The following TRPM3 variants were observed in gnomAD, a reference collection of about 807,000 sequenced individuals.
TRPM3 encodes transient receptor potential cation channel subfamily M member 3.
In TRPM3, 77 loss-of-function variants were observed where a neutral mutation model predicts 181.2. That is an observed-to-expected ratio of 0.42 (90% CI 0.35 to 0.51). TRPM3 has a LOEUF of 0.51. TRPM3 is among the 20% of genes least tolerant of loss of function. The probability of loss-of-function intolerance (pLI) is 0.01; values close to 1 mark genes in which losing one functional copy is unlikely to be tolerated. For synonymous variants in TRPM3, 745 were observed against 796.4 expected (o/e 0.94, Z 1.09); for missense variants, 1,759 against 2,196.7 (o/e 0.80, Z 3.98).
chr9:71,259,053 T>C (rs1476923060), intron 1 of TRPM3, among the ~76,000 whole-genome samples: 1 of 150,886 alleles, frequency 6.6e-6, no homozygotes, highest in East Asian at 2.0e-4. Context: ...TAGTCCCCCA[T>C]CCCCCGACAG....
chr9:70,782,699 A>C (rs990906316), intron 7 of TRPM3, among the ~76,000 whole-genome samples: 1 of 152,048 alleles, frequency 6.6e-6, no homozygotes, highest in African/African-American at 2.4e-5. Flanking sequence ...AAAATGGACC[A>C]ATATTTACTA....
chr9:70,879,510 C>A (rs956254262), intron 1 of TRPM3, among the ~76,000 whole-genome samples: 9 of 152,040 alleles, frequency 5.9e-5, no homozygotes, highest in African/African-American at 1.9e-4. Flanking sequence ...CACTCTCTAT[C>A]CTGACTAATA....
rs564464249 is a variant in TRPM3, at chr9:71,236,295, T to C, written c.183+210358A>G. Among the ~76,000 whole-genome samples the C allele has an allele frequency of 7.2e-5, 11 of 152,188 alleles. No homozygotes were observed. In the South Asian group the frequency reaches 1.7e-3, roughly 23 times the overall value. On this transcript the variant is annotated intron_variant, in intron 1 of 24. Transcript: ENST00000357533. ...CTCTGGACATTAGTTTTCTTATCAG[T>C]AAATTAAGGTGTGATTTTTCAATCT...
chr9:71,442,571 A>G (rs1261297096), intron 1 of TRPM3, among the ~76,000 whole-genome samples: 1 of 152,254 alleles, frequency 6.6e-6, no homozygotes, highest in Non-Finnish European at 1.5e-5. Context: ...TGTATATTTT[A>G]CCTAAATAAA....
At chr9:70,977,363 T>C (rs1202815995) in intron 1 of TRPM3, among the ~76,000 whole-genome samples, 3 of 152,212 alleles carry the variant, frequency 2.0e-5, no homozygotes, top group Non-Finnish European at 4.4e-5. Context: ...CTCCATCTCC[T>C]GACCTCGTGA....
At chr9:71,200,799 C>T (rs576900061) in intron 1 of TRPM3, among the ~76,000 whole-genome samples, 342 of 152,168 alleles carry the variant, frequency 2.2e-3, no homozygotes, top group African/African-American at 7.9e-3. Context: ...CTGAATACAG[C>T]ACACTGATGG....
chr9:70,558,748 T>C (rs2309742), intron 22 of TRPM3, among the ~76,000 whole-genome samples: 34,934 of 152,156 alleles, frequency 0.23, 4,781 homozygotes, highest in Admixed American at 0.31. Flanking sequence ...GATTAAGTCG[T>C]AGGGCCTCAA....
intron 8 of TRPM3, chr9:70,761,259 A>G (rs972512275): frequency 1.7e-6 from 1 of 597,650 alleles, no homozygotes; most frequent in Non-Finnish European, 3.0e-6. Flanking sequence ...ACTTCCAAGC[A>G]AAATGAAATC....
At chr9:71,157,498 G>A (rs2076066534) in intron 1 of TRPM3, among the ~76,000 whole-genome samples, 1 of 152,100 alleles carries the variant, frequency 6.6e-6, no homozygotes, top group South Asian at 2.1e-4. Flanking sequence ...CTCTTCGACA[G>A]TTAAGAGCAG....
At chr9:71,329,111 A>T (rs1163261912) in intron 1 of TRPM3, among the ~76,000 whole-genome samples, 1 of 152,242 alleles carries the variant, frequency 6.6e-6, no homozygotes, top group East Asian at 1.9e-4. Flanking sequence ...AAAAATGTCT[A>T]ACACTACTGA....
intron 1 of TRPM3, among the ~76,000 whole-genome samples, chr9:71,394,475 A>T (rs548263585): frequency 6.6e-6 from 1 of 152,236 alleles, no homozygotes; most frequent in Admixed American, 6.5e-5. Flanking sequence ...CTAAAGATAC[A>T]TGGAGACTAC....
At chr9:71,379,760 T>A (rs10869016) in intron 1 of TRPM3, among the ~76,000 whole-genome samples, 1 of 151,788 alleles carries the variant, frequency 6.6e-6, no homozygotes, top group Non-Finnish European at 1.5e-5. Context: ...TAAACTTACA[T>A]ATACATCTGT....
intron 2 of TRPM3, 84 bp downstream of exon 2, chr9:70,864,348 C>G: frequency 1.1e-6 from 1 of 918,902 alleles, no homozygotes; most frequent in Non-Finnish European, 1.6e-6. Flanking sequence ...ACAGTGTTTC[C>G]CTTGTAACAG....
intron 1 of TRPM3, among the ~76,000 whole-genome samples, chr9:71,256,604 G>A (rs1393059124): frequency 6.6e-6 from 1 of 152,142 alleles, no homozygotes; most frequent in Non-Finnish European, 1.5e-5. Flanking sequence ...AGGATGAAGA[G>A]GACTTCAAGT....
chr9:70,553,360 G>A, intron 22 of TRPM3, 50 bp from the exon 23 acceptor site: 4 of 1,583,588 alleles, frequency 2.5e-6, no homozygotes, highest in Admixed American at 1.8e-5. Context: ...ATTTGAGTTA[G>A]AAAAAAAATA....
At chr9:71,023,716 A>C (rs2097864726) in intron 1 of TRPM3, among the ~76,000 whole-genome samples, 2 of 152,072 alleles carry the variant, frequency 1.3e-5, no homozygotes, top group African/African-American at 4.8e-5. Context: ...AAAAAAAAAA[A>C]AGTCAAACTC....
intron 2 of TRPM3, among the ~76,000 whole-genome samples, chr9:70,863,977 G>C (rs1273892661): frequency 6.6e-6 from 1 of 151,948 alleles, no homozygotes; most frequent in Non-Finnish European, 1.5e-5. Context: ...ATATATTGTT[G>C]ATCCTAAGGA....
At chr9:71,196,162 C>T (rs530938219) in intron 1 of TRPM3, among the ~76,000 whole-genome samples, 246 of 106,450 alleles carry the variant, frequency 2.3e-3, no homozygotes, top group African/African-American at 8.7e-3. Flanking sequence ...TATACACACA[C>T]GTATATGTGT....
At chr9:71,246,767 G>A (rs778989545) in intron 1 of TRPM3, among the ~76,000 whole-genome samples, 3 of 152,112 alleles carry the variant, frequency 2.0e-5, no homozygotes, top group Non-Finnish European at 2.9e-5. Context: ...CCTAATATCA[G>A]GAAGATTTAG....
Sources: allele counts gnomAD v4.1 joint callset (sites outside exome capture counted in the v4.1 genomes callset), GRCh38; gene constraint gnomAD v4.1.1; transcripts MANE v1.5; gene names NCBI Gene and HGNC (gene_info 2026-07-23, HGNC 2026-07-21).